The following PNPLA1 variants were observed in gnomAD, a reference collection of about 807,000 sequenced individuals.
The protein encoded by PNPLA1 is patatin like domain 1, omega-hydroxyceramide transacylase.
PNPLA1 carries 36 observed loss-of-function variants against 51.7 expected under a neutral mutation model. The observed-to-expected ratio is 0.70, with a 90% CI of 0.53 to 0.92. The LOEUF is 0.92. Among genes scored for constraint, PNPLA1 ranks in the 40% least tolerant of loss-of-function variants. The pLI, the probability that PNPLA1 is intolerant of heterozygous loss-of-function variation, is 0.00. For missense variants in PNPLA1, 658 were observed against 682.5 expected, an observed-to-expected ratio of 0.96 and a Z score of 0.40; for synonymous variants, 293 against 280.1, an observed-to-expected ratio of 1.05 and a Z score of -0.46.
rs28675694 is a variant in PNPLA1 at position 36,282,136 on chromosome 6, G to A, written c.206-9184G>A. ...AGGAAGGAAGGAAGGAAGGAAGGAA[G>A]GAAAGAGAGACAGAGAGAGAGAGAA... On this transcript the variant is annotated intron_variant, in intron 1 of 8. Coordinates refer to ENST00000636260, the MANE Select transcript of PNPLA1 (RefSeq NM_001374623.1). Among the ~76,000 whole-genome samples, 560 of 123,574 alleles carry A rather than the reference G, an allele frequency of 4.5e-3. 2 individuals are homozygous for A. Among genetic ancestry groups the A allele is most frequent in the Non-Finnish European group, 7.1e-3 (423 of 59,592 alleles). The allele number at this position is 123,574 out of a possible 152,430, so 81.1% of individuals were successfully genotyped here. A position where few individuals can be genotyped will look rare whatever the true frequency, so the allele number is the denominator to read the frequency against.
Position 36,312,092 on chromosome 6 carries a change from T to A in PNPLA1, c.*206T>A, listed in dbSNP as rs1038025777. The A allele has an allele frequency of 5.3e-5, 8 of 152,310 alleles. No individual in the cohort carries two copies. The highest frequency in any genetic ancestry group is 1.2e-4 in the Non-Finnish European group (8 of 68,050). 9.4% of individuals were successfully genotyped at this position (152,310 alleles called of 1,614,324 possible). A position where few individuals can be genotyped will look rare whatever the true frequency, so the allele number is the denominator to read the frequency against. On this transcript the variant is annotated 3_prime_UTR_variant, in exon 9 of 9. Coordinates refer to ENST00000636260, the MANE Select transcript of PNPLA1 (RefSeq NM_001374623.1). ...CAGCCGCTGGAAAATTGTCATAATA[T>A]GCTGATTTTGTTAGAGCAAGACACT...
chr6:36,291,660 C>T, intron 2 of PNPLA1, 108 bp downstream of exon 2: 1 of 919,798 alleles, frequency 1.1e-6, no homozygotes, highest in South Asian at 1.6e-5. Flanking sequence ...CCTCACTTCC[C>T]TAGTCCTTCC....
chr6:36,251,007 A>C (rs951462748), intron 1 of PNPLA1, among the ~76,000 whole-genome samples: 7 of 152,106 alleles, frequency 4.6e-5, no homozygotes, highest in Non-Finnish European at 1.0e-4. Context: ...CGGCCTGTAA[A>C]GGCTTTCAGA....
upstream of PNPLA1, among the ~76,000 whole-genome samples, chr6:36,269,958 G>T (rs766405884): frequency 3.3e-5 from 5 of 152,198 alleles, no homozygotes; most frequent in Admixed American, 6.5e-5. Context: ...AGCCCTTCAC[G>T]GCCGCAGCAG....
Position 36,301,815 on chromosome 6 carries a change from G to T in PNPLA1, c.776-46G>T, listed in dbSNP as rs908477731. 3.2e-6 allele frequency: 5 copies of T among 1,575,048 alleles called. No homozygotes were observed. The Admixed American group carries it at 5.3e-5, about 17-fold the overall frequency. On this transcript the variant is annotated intron_variant, in intron 5 of 8. Coordinates refer to ENST00000636260, the MANE Select transcript of PNPLA1 (RefSeq NM_001374623.1). The stretch of plus-strand genomic sequence containing the variant: ...AAGAAACCATTTTTGCAAAGGCCAT[G>T]CTGCTGCCAGGGCTGAGTAACACCC...
In PNPLA1 at chr6:36,294,104, C is replaced by T; in HGVS notation, c.505-86C>T. The T allele has an allele frequency of 1.4e-6, 2 of 1,467,044 alleles. No homozygotes were observed. The highest frequency in any genetic ancestry group is 2.4e-5 in the East Asian group (1 of 41,916). 90.9% of individuals were successfully genotyped at this position (1,467,044 alleles called of 1,614,324 possible). On this transcript the variant is annotated intron_variant, in intron 3 of 8. Transcript: ENST00000636260. The surrounding 1 kb of genome is among the most constrained non-coding windows in gnomAD (Gnocchi z 4.2). The stretch of plus-strand genomic sequence containing the variant: ...CCTTGATGGGCCCTTGAAGCTGGTG[C>T]CATATCCCATGGGCCATTTCGATGT...
intron 5 of PNPLA1, among the ~76,000 whole-genome samples, chr6:36,300,176 TGTGAGA>T (rs1291098543): frequency 7.4e-4 from 53 of 72,090 alleles, no homozygotes; most frequent in African/African-American, 1.4e-3. Context: ...TGTGTGTGTG[TGTGAGA>T]GAGAGAGAGA....
chr6:36,267,213 G>C (rs1386104387), upstream of PNPLA1, among the ~76,000 whole-genome samples: 1 of 152,296 alleles, frequency 6.6e-6, no homozygotes, highest in Middle Eastern at 3.4e-3. Context: ...ATTCTTCCTC[G>C]ATGTCATTCG....
chr6:36,255,015 G>T (rs532688006), intron 1 of PNPLA1, among the ~76,000 whole-genome samples: 68 of 152,262 alleles, frequency 4.5e-4, no homozygotes, highest in African/African-American at 1.4e-3. Flanking sequence ...TCCCAACTAT[G>T]CAACTGATCA....
At chr6:36,247,296 T>C (rs1648107563) in intron 1 of PNPLA1, among the ~76,000 whole-genome samples, 1 of 152,204 alleles carries the variant, frequency 6.6e-6, no homozygotes. Flanking sequence ...GGTTAGTTAT[T>C]CTAGTCCCTA....
At chr6:36,270,698 T>C in intron 1 of PNPLA1, 34 bp downstream of exon 1, 1 of 1,545,582 alleles carries the variant, frequency 6.5e-7, no homozygotes, top group Non-Finnish European at 8.7e-7. Context: ...CTGGGAAGTC[T>C]CTTGGGGGAT....
At chr6:36,304,156 A>C (rs1246264842) in intron 6 of PNPLA1, among the ~76,000 whole-genome samples, 1 of 152,142 alleles carries the variant, frequency 6.6e-6, no homozygotes, top group Non-Finnish European at 1.5e-5. Flanking sequence ...AGACAGAGGG[A>C]CAGAGACCCA....
At chr6:36,310,565 T>C (rs775298521) in intron 8 of PNPLA1, among the ~76,000 whole-genome samples, 9 of 152,222 alleles carry the variant, frequency 5.9e-5, no homozygotes, top group Non-Finnish European at 1.2e-4. Context: ...CCGATGTGAA[T>C]GTAATAATAT....
At chr6:36,295,808 A>T (rs572361058) in intron 5 of PNPLA1, among the ~76,000 whole-genome samples, 1 of 152,296 alleles carries the variant, frequency 6.6e-6, no homozygotes, top group South Asian at 2.1e-4. Flanking sequence ...CACATTATTA[A>T]TGTAGAATTG....
At chr6:36,259,824 A>G (rs936510784) in intron 1 of PNPLA1, among the ~76,000 whole-genome samples, 5 of 152,128 alleles carry the variant, frequency 3.3e-5, no homozygotes, top group African/African-American at 4.8e-5. Context: ...AGACACTGGG[A>G]TCTACTAGGG....
chr6:36,257,004 T>C (rs1226327718), intron 1 of PNPLA1, among the ~76,000 whole-genome samples: 2 of 152,102 alleles, frequency 1.3e-5, no homozygotes, highest in Non-Finnish European at 2.9e-5. Context: ...GAACAGACAA[T>C]AGCCTGGGAC....
chr6:36,291,566 G>A lies in PNPLA1; in HGVS notation c.438+14G>A. On this transcript the variant is annotated intron_variant, in intron 2 of 8. Transcript: ENST00000636260. Reference sequence around the variant, plus strand: ...GAGCTCATTGAGGCAAGGGGGCTGGGCTGGGAGGGAGGGACACGGAGGGGG... The same window carrying A: ...GAGCTCATTGAGGCAAGGGGGCTGGACTGGGAGGGAGGGACACGGAGGGGG... The A allele has an allele frequency of 1.6e-6, 2 of 1,226,762 alleles. No individual in the cohort carries two copies. Among genetic ancestry groups the A allele is most frequent in the Non-Finnish European group, 2.3e-6 (2 of 856,690 alleles). The allele number at this position is 1,226,762 out of a possible 1,614,324, so 76.0% of individuals were successfully genotyped here.
intron 1 of PNPLA1, among the ~76,000 whole-genome samples, chr6:36,253,845 C>G (rs1010981668): frequency 6.6e-6 from 1 of 152,114 alleles, no homozygotes; most frequent in Non-Finnish European, 1.5e-5. Flanking sequence ...GAATTTTGTT[C>G]AACATTTAAA....
At chr6:36,256,567 C>T (rs1769538537) in intron 1 of PNPLA1, among the ~76,000 whole-genome samples, 1 of 152,154 alleles carries the variant, frequency 6.6e-6, no homozygotes, top group South Asian at 2.1e-4. Flanking sequence ...TCTACCTCAG[C>T]CTCCCAAGTA....
Sources: allele counts gnomAD v4.1 joint callset (sites outside exome capture counted in the v4.1 genomes callset), GRCh38; gene constraint gnomAD v4.1.1; non-coding constraint Gnocchi (gnomAD v3.1); transcripts MANE v1.5; gene names NCBI Gene and HGNC (gene_info 2026-07-23, HGNC 2026-07-21).